The following BCL2L14 variants were observed in gnomAD, a reference collection of about 807,000 sequenced individuals.
BCL2L14 encodes the protein BCL2 like 14.
A neutral mutation model predicts 35.3 loss-of-function variants in BCL2L14; 27 were observed. That is an observed-to-expected ratio of 0.76 (90% CI 0.56 to 1.05). The LOEUF (loss-of-function observed/expected upper bound fraction) is 1.05, where lower values mean the gene tolerates loss of function less well. Ranked by LOEUF, BCL2L14 falls within the 50% of genes least tolerant of loss-of-function variation. BCL2L14 has a pLI of 0.00. For missense variants in BCL2L14, 377 were observed against 382.6 expected (o/e 0.99, Z 0.12); for synonymous variants, 139 against 145.9 (o/e 0.95, Z 0.34).
chr12:12,061,497 G>C (rs1948525362), intron 2 of BCL2L14, among the ~76,000 whole-genome samples: 1 of 37,102 alleles, frequency 2.7e-5, no homozygotes, highest in South Asian at 2.3e-3. Flanking sequence ...CCTAGAACAA[G>C]ACAAGCCTTA....
intron 2 of BCL2L14, among the ~76,000 whole-genome samples, chr12:12,082,118 A>C (rs568203054): frequency 5.9e-5 from 9 of 152,246 alleles, no homozygotes; most frequent in African/African-American, 1.9e-4. Context: ...CTCATGGCAC[A>C]GACAGGATGA....
At chr12:12,097,810 G>GA (rs922491437) in intron 5 of BCL2L14, among the ~76,000 whole-genome samples, 106 of 140,320 alleles carry the variant, frequency 7.6e-4, no homozygotes, top group African/African-American at 9.6e-4. Context: ...GTTCCAATTA[G>GA]AAAAAAAAAA....
rs146657466 is a variant in BCL2L14, at chr12:12,060,613, A to G, written c.-272+8766A>G. The stretch of plus-strand genomic sequence containing the variant: ...AGCACACAAGAACTTCCAAAGGCCT[A>G]AACCTCAGCGTCCAGGCGTTCCTCC... On this transcript the variant is annotated intron_variant, in intron 2 of 3. Coordinates refer to the BCL2L14 transcript ENST00000461264. Among the ~76,000 whole-genome samples, 1,274 of 32,476 alleles carry G rather than the reference A, an allele frequency of 0.039. 240 individuals carry two copies. The East Asian group carries it at 0.8, about 20-fold the overall frequency. 21.3% of individuals were successfully genotyped at this position (32,476 alleles called of 152,430 possible).
chr12:12,056,032 T>G (rs1948427464), intron 2 of BCL2L14, among the ~76,000 whole-genome samples: 1 of 152,262 alleles, frequency 6.6e-6, no homozygotes, highest in Non-Finnish European at 1.5e-5. Flanking sequence ...TGCCTGGTCT[T>G]CAGCAAAAAT....
intron 5 of BCL2L14, chr12:12,095,972 T>A (rs766048758): frequency 1.0e-6 from 1 of 985,386 alleles, no homozygotes; most frequent in Non-Finnish European, 1.2e-6. Context: ...TGCCTTAGCT[T>A]ATTCTAAAAG....
At chr12:12,083,234 G>A (rs1321521359) in intron 2 of BCL2L14, among the ~76,000 whole-genome samples, 1 of 152,194 alleles carries the variant, frequency 6.6e-6, no homozygotes, top group East Asian at 1.9e-4. Context: ...AAAGTGCTGG[G>A]ATTACAGGCG....
At chr12:12,054,210 A>G (rs536785366) in intron 2 of BCL2L14, among the ~76,000 whole-genome samples, 1 of 152,258 alleles carries the variant, frequency 6.6e-6, no homozygotes, top group South Asian at 2.1e-4. Context: ...CTTGCTCAAA[A>G]TCCAATTAGG....
At chr12:12,083,992 G>T (rs1948984865) in intron 2 of BCL2L14, among the ~76,000 whole-genome samples, 1 of 152,098 alleles carries the variant, frequency 6.6e-6, no homozygotes, top group Non-Finnish European at 1.5e-5. Flanking sequence ...CCACCTCAAA[G>T]TCACCTTATA....
At chr12:12,094,426 A>G (rs1641728) in intron 4 of BCL2L14, 327,990 of 1,214,092 alleles carry the variant, frequency 0.27, 45,984 homozygotes, top group East Asian at 0.37. Context: ...TAAATGTCAA[A>G]TGAACTGACT....
chr12:12,090,884 T>G, intron 4 of BCL2L14, 35 bp downstream of exon 4: 1 of 1,535,194 alleles, frequency 6.5e-7, no homozygotes, highest in Non-Finnish European at 9.0e-7. Flanking sequence ...GATTGATTTC[T>G]GTGCCCATGC....
chr12:12,074,792 T>C (rs913729018), intron 1 of BCL2L14, among the ~76,000 whole-genome samples: 1 of 152,182 alleles, frequency 6.6e-6, no homozygotes, highest in Non-Finnish European at 1.5e-5. Context: ...ATTATCTTTT[T>C]AAAAAATGTT....
At chr12:12,077,530 T>G (rs1948808162) in intron 1 of BCL2L14, among the ~76,000 whole-genome samples, 3 of 105,754 alleles carry the variant, frequency 2.8e-5, no homozygotes, top group South Asian at 3.2e-4. Context: ...AGAGCAAAAC[T>G]GAGTCTCAAA....
intron 2 of BCL2L14, among the ~76,000 whole-genome samples, chr12:12,084,941 G>A (rs973739944): frequency 6.6e-6 from 1 of 151,742 alleles, no homozygotes; most frequent in Non-Finnish European, 1.5e-5. Context: ...GGACGTAGTG[G>A]CGGGAGCCAC....
Position 12,099,033 on chromosome 12 carries a change from C to G in BCL2L14, c.*45C>G. The G allele has an allele frequency of 4.8e-6, 7 of 1,457,486 alleles. No individual in the cohort carries two copies. The highest frequency in any genetic ancestry group is 6.7e-6 in the Non-Finnish European group (7 of 1,037,652). 90.3% of individuals were successfully genotyped at this position (1,457,486 alleles called of 1,614,324 possible). ...GGAATACTCTTTGTCTACTGTGGTC[C>G]TGTGCACGTTGGCCTCAGATGGACT... On this transcript the variant is annotated 3_prime_UTR_variant, in exon 6 of 6. Coordinates refer to ENST00000308721, the MANE Select transcript of BCL2L14 (RefSeq NM_138723.2).
chr12:12,051,974 T>A (rs1232275687), intron 2 of BCL2L14: 3 of 152,206 alleles, frequency 2.0e-5, no homozygotes, highest in Admixed American at 2.0e-4. Flanking sequence ...TTGGAAAGAC[T>A]TCAACAATCA....
At chr12:12,066,107 T>A (rs1436017363), upstream of BCL2L14, among the ~76,000 whole-genome samples, 1 of 152,176 alleles carries the variant, frequency 6.6e-6, no homozygotes, top group East Asian at 1.9e-4. Flanking sequence ...TTTTCTTGTG[T>A]CTGCTTCATC....
chr12:12,059,616 T>C (rs560916300), intron 2 of BCL2L14, among the ~76,000 whole-genome samples: 9,243 of 151,566 alleles, frequency 0.061, 270 homozygotes, highest in African/African-American at 0.076. Flanking sequence ...AAGAACCCCC[T>C]ACCCCTTCTC....
chr12:12,089,775 T>G (rs1283422789), intron 3 of BCL2L14, among the ~76,000 whole-genome samples: 1 of 152,218 alleles, frequency 6.6e-6, no homozygotes, highest in Non-Finnish European at 1.5e-5. Context: ...CTTTTAGCCT[T>G]GGCCATAGGG....
chr12:12,058,771 C>G (rs528326361), intron 2 of BCL2L14, among the ~76,000 whole-genome samples: 5 of 152,262 alleles, frequency 3.3e-5, no homozygotes, highest in East Asian at 1.9e-4. Flanking sequence ...CTCTTCACAC[C>G]GACGCGCATG....
Sources: gnomAD v4.1 joint callset for allele counts (sites outside exome capture counted in the v4.1 genomes callset) on GRCh38, gnomAD v4.1.1 for gene constraint, MANE v1.5 for transcripts, NCBI Gene and HGNC (gene_info 2026-07-23, HGNC 2026-07-21) for gene names.